UGT1A10: variants seen among roughly 807,000 people sequenced by gnomAD.
UGT1A10 encodes UDP-glucuronosyltransferase 1A10.
UGT1A10 carries 49 observed loss-of-function variants against 45.8 expected under a neutral mutation model. The observed-to-expected ratio is 1.07, with a 90% CI of 0.85 to 1.36. The LOEUF (loss-of-function observed/expected upper bound fraction) is 1.36. Ranked by LOEUF, UGT1A10 falls within the 40% of genes most tolerant of loss-of-function variation. UGT1A10 has a pLI of 0.00. For synonymous variants in UGT1A10, 284 were observed against 249.7 expected (o/e 1.14, Z -1.29); for missense variants, 745 against 668.6 (o/e 1.11, Z -1.26).
chr2:233,772,622 C>A lies in UGT1A10; in HGVS notation c.*63C>A, dbSNP rs894885863. 5 of 1,567,432 alleles carry A rather than the reference C, an allele frequency of 3.2e-6. No homozygotes were observed. The highest frequency in any genetic ancestry group is 3.5e-6 in the Non-Finnish European group (4 of 1,155,382). ...CCCTAGTCATTTCCAAACTTGAAAA[C>A]AGAATCAGTGTTAAATTCATTTTAT... On this transcript the variant is annotated 3_prime_UTR_variant, in exon 5 of 5. Transcript: ENST00000344644.
intron 1 of UGT1A10, among the ~76,000 whole-genome samples, chr2:233,678,442 T>C (rs1163978851): frequency 6.6e-6 from 1 of 151,808 alleles, no homozygotes; most frequent in Non-Finnish European, 1.5e-5. Flanking sequence ...GCAGAAGAGG[T>C]AGAGGAGGTG....
intron 1 of UGT1A10, among the ~76,000 whole-genome samples, chr2:233,668,237 G>A (rs183679233): frequency 2.0e-5 from 3 of 152,068 alleles, no homozygotes; most frequent in East Asian, 1.9e-4. Context: ...CCCGGTGTGC[G>A]ATATTCCCCG....
intron 1 of UGT1A10, among the ~76,000 whole-genome samples, chr2:233,695,189 G>A (rs2075271649): frequency 2.0e-5 from 3 of 148,082 alleles, no homozygotes; most frequent in South Asian, 4.3e-4. Context: ...GCAGTGGTGC[G>A]ATCTCAGCCC....
intron 1 of UGT1A10, among the ~76,000 whole-genome samples, chr2:233,644,955 T>C (rs1363563043): frequency 3.3e-5 from 5 of 152,180 alleles, no homozygotes; most frequent in Non-Finnish European, 5.9e-5. Context: ...GAAAACTGTG[T>C]GTAATGAGTT....
chr2:233,766,546 G>A (rs1699179284), intron 1 of UGT1A10, among the ~76,000 whole-genome samples: 1 of 152,192 alleles, frequency 6.6e-6, no homozygotes, highest in Admixed American at 6.5e-5. Flanking sequence ...AAAAATGCCT[G>A]TCCTCACCTA....
At chr2:233,679,918 C>T (rs2074466073) in intron 1 of UGT1A10, among the ~76,000 whole-genome samples, 1 of 152,120 alleles carries the variant, frequency 6.6e-6, no homozygotes, top group Non-Finnish European at 1.5e-5. Context: ...CAATATGAGA[C>T]AAAAATGTAT....
chr2:233,757,582 G>C (rs1357461838), intron 1 of UGT1A10, among the ~76,000 whole-genome samples: 2 of 95,184 alleles, frequency 2.1e-5, no homozygotes, highest in Non-Finnish European at 4.3e-5. Context: ...TATAGCTATA[G>C]TCTAATAGCA....
In UGT1A10 at chr2:233,698,281, T is replaced by C. The variant is rs77422463; in HGVS notation, c.855+60904T>C. Among the ~76,000 whole-genome samples the C allele has an allele frequency of 8.3e-4, 127 of 152,242 alleles. 1 individual carries two copies. In the East Asian group the frequency reaches 0.023, roughly 28 times the overall value. On this transcript the variant is annotated intron_variant, in intron 1 of 4. Coordinates refer to ENST00000344644, the MANE Select transcript of UGT1A10 (RefSeq NM_019075.4). ...CAATAATCAAACCATTTCAACACTA[T>C]GAAAAAAAATGTGTCTTTGGACAGA...
At position 233,749,745 on chromosome 2, in the gene UGT1A10, G is replaced by T. The variant is rs1364813109; in HGVS notation, c.856-17289G>T. On this transcript the variant is annotated intron_variant, in intron 1 of 4. Coordinates refer to ENST00000344644, the MANE Select transcript of UGT1A10 (RefSeq NM_019075.4). ...TTTCGCACCTGCTGGTCTCATCATA[G>T]TGAGTGAGTTCTTATGAGATCTGAT... Among the ~76,000 whole-genome samples the T allele has an allele frequency of 4.6e-5, 7 of 151,902 alleles. 2 individuals carry two copies. The highest frequency in any genetic ancestry group is 1.0e-4 in the Non-Finnish European group (7 of 68,034).
At chr2:233,705,982 A>G (rs535507693) in intron 1 of UGT1A10, among the ~76,000 whole-genome samples, 1 of 152,274 alleles carries the variant, frequency 6.6e-6, no homozygotes, top group African/African-American at 2.4e-5. Context: ...CCGGCTACTC[A>G]GGAGGCTGAG....
intron 1 of UGT1A10, among the ~76,000 whole-genome samples, chr2:233,711,377 C>G (rs1440566263): frequency 6.6e-6 from 1 of 152,222 alleles, no homozygotes; most frequent in Non-Finnish European, 1.5e-5. Flanking sequence ...GTGAGAGCAC[C>G]CTCCCAGGTG....
At chr2:233,730,314 G>A (rs1295285736) in intron 1 of UGT1A10, among the ~76,000 whole-genome samples, 3 of 152,172 alleles carry the variant, frequency 2.0e-5, no homozygotes, top group Admixed American at 6.5e-5. Flanking sequence ...AGCTTGGCAG[G>A]AACAGGGACA....
rs1043133002 is a variant in UGT1A10 at position 233,769,410 on chromosome 2, C to A, written c.1295+971C>A. 7.5e-7 allele frequency: 1 copy of A among 1,333,034 alleles called. No homozygotes were observed. The highest frequency in any genetic ancestry group is 1.1e-6 in the Non-Finnish European group (1 of 947,460). The allele number at this position is 1,333,034 out of a possible 1,614,324, so 82.6% of individuals were successfully genotyped here. ...GATACTGTGTGCATATGTGCGTGTG[C>A]GTTTGTGCATGTGGCTGTGCTCATG... On this transcript the variant is annotated intron_variant, in intron 4 of 4. Transcript: ENST00000344644. The surrounding 1 kb of genome is among the most constrained non-coding windows in gnomAD (Gnocchi z 4.4).
In UGT1A10 at chr2:233,759,969, C is replaced by T. The variant is rs922270020; in HGVS notation, c.856-7065C>T. Among the ~76,000 whole-genome samples the T allele has an allele frequency of 3.3e-5, 5 of 152,292 alleles. No homozygotes were observed. The East Asian group carries it at 9.6e-4, about 29-fold the overall frequency. On this transcript the variant is annotated intron_variant, in intron 1 of 4. Transcript: ENST00000344644. ...GTTCACTACATAGTCGTCCTTCTTC[C>T]TCTCTGGTAACACTTGTTGGTCTGT...
At chr2:233,682,786 G>A in intron 1 of UGT1A10, 1 of 1,612,112 alleles carries the variant, frequency 6.2e-7, no homozygotes, top group Non-Finnish European at 8.5e-7. Flanking sequence ...GAAAGCCAGT[G>A]CCTATGGTAA....
chr2:233,658,018 CTTTTT>C (rs34352422), intron 1 of UGT1A10, among the ~76,000 whole-genome samples: 6 of 128,070 alleles, frequency 4.7e-5, no homozygotes, highest in African/African-American at 5.8e-5. Context: ...GTTTCCTCCT[CTTTTT>C]TTTTTTTTTT....
intron 1 of UGT1A10, chr2:233,681,915 T>C (rs2074544960): frequency 1.2e-6 from 2 of 1,602,164 alleles, no homozygotes; most frequent in South Asian, 2.2e-5. Flanking sequence ...TCCCAGCTGC[T>C]GGCTCTGGGC....
chr2:233,674,262 A>T (rs894240612), intron 1 of UGT1A10, among the ~76,000 whole-genome samples: 7 of 152,218 alleles, frequency 4.6e-5, no homozygotes, highest in Admixed American at 2.0e-4. Flanking sequence ...AAGCAGGAGG[A>T]CTACAGTTGT....
intron 1 of UGT1A10, among the ~76,000 whole-genome samples, chr2:233,725,940 AG>A (rs1419674144): frequency 2.0e-5 from 3 of 152,132 alleles, no homozygotes; most frequent in Non-Finnish European, 4.4e-5. Flanking sequence ...CTGATGCAGG[AG>A]GATTGTTTGA....
Sources: gnomAD v4.1 joint callset for allele counts (sites outside exome capture counted in the v4.1 genomes callset) on GRCh38, gnomAD v4.1.1 for gene constraint, Gnocchi (gnomAD v3.1) non-coding constraint, MANE v1.5 for transcripts, NCBI Gene and HGNC (gene_info 2026-07-23, HGNC 2026-07-21) for gene names.